LYST: variants seen among roughly 807,000 people sequenced by gnomAD.
The protein encoded by LYST is lysosomal-trafficking regulator.
LYST carries 192 observed loss-of-function variants against 413.6 expected under a neutral mutation model. That is an observed-to-expected ratio of 0.46 (90% CI 0.41 to 0.52). The LOEUF is 0.52. LYST is among the 20% of genes least tolerant of loss of function. The pLI is 0.00. For missense variants in LYST, 3,815 were observed against 4,499.9 expected (o/e 0.85, Z 4.35); for synonymous variants, 1,525 against 1,567.3 (o/e 0.97, Z 0.64).
intron 49 of LYST, 32 bp downstream of exon 49, chr1:235,677,448 G>A: frequency 1.2e-6 from 2 of 1,608,220 alleles, no homozygotes; most frequent in Non-Finnish European, 1.7e-6. Flanking sequence ...TATTAAAAAT[G>A]CTATGTTTGA....
At chr1:235,858,908 C>T (rs1572477354) in intron 1 of LYST, among the ~76,000 whole-genome samples, 1 of 152,268 alleles carries the variant, frequency 6.6e-6, no homozygotes, top group South Asian at 2.1e-4. Context: ...CACTGCTTAA[C>T]CATCCTGCTG....
At chr1:235,757,230 T>C (rs781692895) in intron 24 of LYST, 51 bp downstream of exon 24, 2 of 1,264,250 alleles carry the variant, frequency 1.6e-6, no homozygotes, top group Admixed American at 1.9e-5. Flanking sequence ...TTAAATTACA[T>C]ATATATTTAT....
intron 1 of LYST, among the ~76,000 whole-genome samples, chr1:235,877,762 C>T (rs6673218): frequency 0.81 from 122,933 of 150,942 alleles, 50,463 homozygotes; most frequent in African/African-American, 0.93. Context: ...GAGACAATTG[C>T]ATCGCTTAGC....
chr1:235,779,990 C>T (rs1487503971), intron 16 of LYST, among the ~76,000 whole-genome samples: 1 of 152,116 alleles, frequency 6.6e-6, no homozygotes, highest in African/African-American at 2.4e-5. Context: ...TCACCACTAG[C>T]TCCTACATTA....
chr1:235,848,139 C>T (rs558029632), intron 1 of LYST, among the ~76,000 whole-genome samples: 2 of 152,158 alleles, frequency 1.3e-5, no homozygotes, highest in African/African-American at 4.8e-5. Flanking sequence ...GGCAACAAAA[C>T]GAGTCTCAAT....
chr1:235,705,314 T>C (rs1661889818), intron 44 of LYST, among the ~76,000 whole-genome samples: 1 of 152,028 alleles, frequency 6.6e-6, no homozygotes, highest in Non-Finnish European at 1.5e-5. Flanking sequence ...GTTACTAAAG[T>C]CCCAAAGAAT....
At chr1:235,828,070 G>A in intron 3 of LYST, 1 of 700,182 alleles carries the variant, frequency 1.4e-6, no homozygotes, top group Non-Finnish European at 1.8e-6. Context: ...ACTACAATAA[G>A]ATACTACTTC....
At chr1:235,755,709 T>C in intron 24 of LYST, 62 bp from the exon 25 acceptor site, 2 of 875,486 alleles carry the variant, frequency 2.3e-6, no homozygotes, top group Non-Finnish European at 3.8e-6. Flanking sequence ...TATATACAAA[T>C]CAGTGTAACA....
chr1:235,770,081 G>T, intron 20 of LYST, 79 bp downstream of exon 20: 2 of 1,354,504 alleles, frequency 1.5e-6, no homozygotes, highest in Non-Finnish European at 2.1e-6. Context: ...CATTGAAAGT[G>T]CCACAAAAAT....
chr1:235,720,828 C>T lies in LYST; in HGVS notation c.9393G>A (p.Leu3131=), dbSNP rs1663294128. 1 of 1,613,918 alleles carries T rather than the reference C, an allele frequency of 6.2e-7. No homozygotes were observed. Among genetic ancestry groups the T allele is most frequent in the Non-Finnish European group, 8.5e-7 (1 of 1,179,882 alleles). ...NLLEYGNITA[L]TNLWYTGQIT... ...TTTGCCCAGTATACCATAAATTTGT[C>T]AGAGCGGTGATGTTACCATATTCCA... Residue 3131 remains leucine, a synonymous_variant, in exon 40 of 53, where the codon CTG becomes CTA. Transcript: ENST00000389793.
rs753692015 is a variant in LYST at position 235,693,431 on chromosome 1, T to A, written c.10620A>T (p.Gly3540=). Reference sequence around the variant, plus strand: ...TCAACCTTAAAATATTATCAGCATATCCCCAGCTCAGGATGGCTGACCACT... The same window carrying A: ...TCAACCTTAAAATATTATCAGCATAACCCCAGCTCAGGATGGCTGACCACT... ...DIQWSAILSW[G]YADNILRLKS... is the part of the protein sequence containing the mutation. Residue 3540 remains glycine, a synonymous_variant, in exon 47 of 53, where the codon GGA becomes GGT. Transcript: ENST00000389793. 109 of 1,613,086 alleles carry A rather than the reference T, an allele frequency of 6.8e-5. No homozygotes were observed. The highest frequency in any genetic ancestry group is 9.1e-5 in the Non-Finnish European group (107 of 1,179,134).
rs57043954 is a variant in LYST at position 235,862,806 on chromosome 1, AACACACAC to A, written c.-98+4029_-98+4036del. Among the ~76,000 whole-genome samples the A allele has an allele frequency of 7.8e-3, 949 of 121,514 alleles. 8 individuals are homozygous for A. Among genetic ancestry groups the A allele is most frequent in the South Asian group, 0.021 (84 of 4,042 alleles). The allele number at this position is 121,514 out of a possible 152,430, so 79.7% of individuals were successfully genotyped here. On this transcript the variant is annotated intron_variant, in intron 1 of 52. Coordinates refer to ENST00000389793, the MANE Select transcript of LYST (RefSeq NM_000081.4). ...GCAAGTCTCCATCTCAAAACAAACA[AACACACAC>A]ACACACACACACACACACACACACA...
At chr1:235,846,715 T>C (rs1677923618) in intron 1 of LYST, among the ~76,000 whole-genome samples, 1 of 151,950 alleles carries the variant, frequency 6.6e-6, no homozygotes. Context: ...GGACACACTT[T>C]TAGAAATGCA....
Position 235,782,027 on chromosome 1 carries a change from G to A in LYST, c.4923C>T (p.Ser1641=). 6.2e-7 allele frequency: 1 copy of A among 1,612,288 alleles called. No homozygotes were observed. The change falls in exon 15 of 53, where the codon AGC becomes AGT. Residue 1641 remains serine, a synonymous_variant. Coordinates refer to ENST00000389793, the MANE Select transcript of LYST (RefSeq NM_000081.4). ...GGCCAATCATGCAAAATGTTTTATT[G>A]CTATCAGATGACAAACTTGTTTTTC... ...LPRKTSLSSD[S]NKTFCMIGHC...
At chr1:235,729,008 C>T (rs1383303546) in intron 37 of LYST, among the ~76,000 whole-genome samples, 2 of 152,164 alleles carry the variant, frequency 1.3e-5, no homozygotes, top group African/African-American at 4.8e-5. Context: ...CCATGAGATG[C>T]TGATGCTACT....
chr1:235,809,258 C>T lies in LYST; in HGVS notation c.1560G>A (p.Leu520=), dbSNP rs1205942773. Residue 520 remains leucine (L), a synonymous_variant, in exon 5 of 53, where the codon CTG becomes CTA. Transcript: ENST00000389793. The surrounding 1 kb of genome is among the most constrained non-coding windows in gnomAD (Gnocchi z 4.0). The stretch of plus-strand genomic sequence containing the variant: ...AAACCTGGTTTTTAAAAGCCGAAAC[C>T]AGAAGACCTGAGAGATCTCGGTGAT... ...MHHHRDLSGL[L]VSAFKNQVSK... is the part of the protein sequence containing the mutation. The T allele has an allele frequency of 6.2e-7, 1 of 1,613,856 alleles. No homozygotes were observed. Among genetic ancestry groups the T allele is most frequent in the African/African-American group, 1.3e-5 (1 of 74,954 alleles).
chr1:235,866,380 T>A (rs1176145623), intron 1 of LYST, among the ~76,000 whole-genome samples: 1 of 151,664 alleles, frequency 6.6e-6, no homozygotes, highest in Non-Finnish European at 1.5e-5. Context: ...ACCGGCTGGG[T>A]GGTGGCGCGG....
intron 1 of LYST, among the ~76,000 whole-genome samples, chr1:235,859,423 A>G (rs1379772715): frequency 1.3e-5 from 2 of 152,104 alleles, no homozygotes; most frequent in East Asian, 1.9e-4. Context: ...TTCATTACCA[A>G]AAGTATTTGA....
Position 235,774,939 on chromosome 1 carries a change from A to C in LYST, c.5608T>G (p.Cys1870Gly). 6.2e-7 allele frequency: 1 copy of C among 1,610,340 alleles called. No homozygotes were observed. The change falls in exon 18 of 53, where the codon TGC becomes GGC. Residue 1870 changes from cysteine (C) to glycine (G), a missense_variant. Cys to Gly is a radical substitution (Grantham distance 159). Around this residue, in one of 4 missense-constraint regions of LYST, gnomAD observed 530 missense variants for 696.5 expected, o/e 0.76. Transcript: ENST00000389793. ...MIHQVLIKQKCIVGFYILKTL... is the reference protein window; with the variant it reads ...MIHQVLIKQKGIVGFYILKTL... The stretch of plus-strand genomic sequence containing the variant: ...TTCAAAATGTAAAACCCAACAATGC[A>C]TTTTTGTTTGATCAACACCTGATGA...
Sources: gnomAD v4.1 joint callset for allele counts (sites outside exome capture counted in the v4.1 genomes callset) on GRCh38, gnomAD v4.1.1 for gene constraint, gnomAD v4.1.1 regional missense constraint, Gnocchi (gnomAD v3.1) non-coding constraint, MANE v1.5 for transcripts, NCBI Gene and HGNC (gene_info 2026-07-23, HGNC 2026-07-21) for gene names.